The following EFNA5 variants were observed in gnomAD, a reference collection of about 807,000 sequenced individuals.
EFNA5 encodes ephrin-A5.
In EFNA5, 5 loss-of-function variants were observed where a neutral mutation model predicts 22.9. The ratio of observed to expected loss-of-function variants is 0.22; its 90% confidence interval spans 0.11 to 0.46. The LOEUF is 0.46. Ranked by LOEUF, EFNA5 falls within the 20% of genes least tolerant of loss-of-function variation. The pLI is 0.99. For synonymous variants in EFNA5, 113 were observed against 112.2 expected (o/e 1.01, Z -0.04); for missense variants, 237 against 293.3 (o/e 0.81, Z 1.40).
intron 1 of EFNA5, among the ~76,000 whole-genome samples, chr5:107,577,625 T>A (rs538791496): frequency 6.6e-6 from 1 of 152,286 alleles, no homozygotes; most frequent in Admixed American, 6.5e-5. Context: ...CTAGTCTGAA[T>A]GTTTTGCTGA....
intron 1 of EFNA5, among the ~76,000 whole-genome samples, chr5:107,577,931 G>C (rs1748961165): frequency 6.6e-6 from 1 of 152,144 alleles, no homozygotes; most frequent in African/African-American, 2.4e-5. Flanking sequence ...TGAAATCTTA[G>C]GTTATGCCTG....
intron 1 of EFNA5, among the ~76,000 whole-genome samples, chr5:107,486,967 C>T (rs1746645544): frequency 6.6e-6 from 1 of 152,160 alleles, no homozygotes; most frequent in Admixed American, 6.6e-5. Flanking sequence ...TCAAATACTC[C>T]ACATTGCTGC....
chr5:107,556,223 C>T (rs192928065), intron 1 of EFNA5, among the ~76,000 whole-genome samples: 5 of 152,346 alleles, frequency 3.3e-5, no homozygotes, highest in Admixed American at 3.3e-4. Flanking sequence ...CCCACATCAA[C>T]TAGTAACCAG....
At chr5:107,643,624 G>T (rs1750570273) in intron 1 of EFNA5, among the ~76,000 whole-genome samples, 1 of 151,806 alleles carries the variant, frequency 6.6e-6, no homozygotes, top group Non-Finnish European at 1.5e-5. Flanking sequence ...AGTAATCCCT[G>T]AATGCCACTA....
At chr5:107,624,482 C>A (rs1750103822) in intron 1 of EFNA5, among the ~76,000 whole-genome samples, 1 of 152,116 alleles carries the variant, frequency 6.6e-6, no homozygotes, top group Admixed American at 6.5e-5. Flanking sequence ...TAGGCTTAGC[C>A]TAAAAGATTG....
chr5:107,528,310 A>T (rs990575535), intron 1 of EFNA5, among the ~76,000 whole-genome samples: 1 of 152,240 alleles, frequency 6.6e-6, no homozygotes. Context: ...TCATTATAAC[A>T]GGAGAAATAA....
intron 1 of EFNA5, among the ~76,000 whole-genome samples, chr5:107,430,173 G>A (rs1391940060): frequency 6.6e-6 from 1 of 152,146 alleles, no homozygotes; most frequent in Non-Finnish European, 1.5e-5. Flanking sequence ...AGCCTGTGTT[G>A]CTTTTAAAAG....
intron 1 of EFNA5, among the ~76,000 whole-genome samples, chr5:107,531,478 C>A (rs939744531): frequency 1.3e-5 from 2 of 152,158 alleles, no homozygotes; most frequent in African/African-American, 4.8e-5. Context: ...GAGACTGTTT[C>A]AGGAAACGTG....
chr5:107,416,418 C>A (rs1748506025), intron 2 of EFNA5, among the ~76,000 whole-genome samples: 4 of 152,164 alleles, frequency 2.6e-5, no homozygotes, highest in Admixed American at 2.6e-4. Context: ...GACCCCAGTA[C>A]TAACTACATG....
intron 1 of EFNA5, among the ~76,000 whole-genome samples, chr5:107,582,752 A>C (rs1435407896): frequency 6.6e-6 from 1 of 151,830 alleles, no homozygotes; most frequent in African/African-American, 2.4e-5. Context: ...TGTACAAAAA[A>C]AAAAAAGTAA....
At chr5:107,462,012 T>C (rs940745708) in intron 1 of EFNA5, among the ~76,000 whole-genome samples, 3 of 152,172 alleles carry the variant, frequency 2.0e-5, no homozygotes, top group Non-Finnish European at 4.4e-5. Flanking sequence ...AGCAACCTCT[T>C]CATCAATTAT....
chr5:107,621,219 G>C (rs925652268), intron 1 of EFNA5, among the ~76,000 whole-genome samples: 1 of 152,152 alleles, frequency 6.6e-6, no homozygotes, highest in Non-Finnish European at 1.5e-5. Flanking sequence ...AAAACAGACT[G>C]GGGGGCTGGA....
chr5:107,663,227 A>G (rs1005926513), intron 1 of EFNA5, among the ~76,000 whole-genome samples: 6 of 151,270 alleles, frequency 4.0e-5, no homozygotes, highest in Non-Finnish European at 5.9e-5. Context: ...TAGGGGGGAA[A>G]AAAAACACGC....
At chr5:107,541,433 A>C (rs1748046562) in intron 1 of EFNA5, among the ~76,000 whole-genome samples, 1 of 152,234 alleles carries the variant, frequency 6.6e-6, no homozygotes, top group African/African-American at 2.4e-5. Context: ...ATCGAAGCCT[A>C]ACTCTAGCAA....
intron 2 of EFNA5, among the ~76,000 whole-genome samples, chr5:107,413,163 C>T (rs1748415607): frequency 6.6e-6 from 1 of 152,094 alleles, no homozygotes; most frequent in Non-Finnish European, 1.5e-5. Context: ...AAGCCAAAAC[C>T]CAGGCCTCCT....
At chr5:107,496,345 A>AC (rs1209048354) in intron 1 of EFNA5, among the ~76,000 whole-genome samples, 13 of 149,720 alleles carry the variant, frequency 8.7e-5, no homozygotes, top group Non-Finnish European at 1.6e-4. Flanking sequence ...TCAAAAAAAA[A>AC]AAAAAAAACA....
chr5:107,419,674 G>C (rs1394424153), intron 2 of EFNA5, among the ~76,000 whole-genome samples: 2 of 152,044 alleles, frequency 1.3e-5, no homozygotes, highest in Non-Finnish European at 2.9e-5. Flanking sequence ...ATTAATACAA[G>C]TGTGTCTTAA....
At chr5:107,597,415 C>T (rs937609842) in intron 1 of EFNA5, among the ~76,000 whole-genome samples, 1 of 152,154 alleles carries the variant, frequency 6.6e-6, no homozygotes, top group Non-Finnish European at 1.5e-5. Context: ...AAATTATTTC[C>T]TTCCACTGGC....
intron 1 of EFNA5, among the ~76,000 whole-genome samples, chr5:107,561,406 T>C (rs1748540505): frequency 6.6e-6 from 1 of 152,260 alleles, no homozygotes; most frequent in African/African-American, 2.4e-5. Flanking sequence ...TCTTGCTCTA[T>C]CACCCAGGCT....
Sources: gnomAD v4.1 joint callset for allele counts (sites outside exome capture counted in the v4.1 genomes callset) on GRCh38, gnomAD v4.1.1 for gene constraint, MANE v1.5 for transcripts, NCBI Gene and HGNC (gene_info 2026-07-23, HGNC 2026-07-21) for gene names.